Variants in TBXAS1 observed in about 807,000 individuals in gnomAD.
TBXAS1 encodes the protein thromboxane-A synthase.
In TBXAS1, 48 loss-of-function variants were observed where a neutral mutation model predicts 60.7. The observed-to-expected ratio is 0.79, with a 90% confidence interval of 0.63 to 1.01. The LOEUF (loss-of-function observed/expected upper bound fraction) is 1.01. Among genes scored for constraint, TBXAS1 ranks in the 50% least tolerant of loss-of-function variants. The pLI is 0.00. For synonymous variants in TBXAS1, 287 were observed against 269.7 expected, an observed-to-expected ratio of 1.06 and a Z score of -0.63; for missense variants, 685 against 686.3, an observed-to-expected ratio of 1.00 and a Z score of 0.02.
intron 4 of TBXAS1, among the ~76,000 whole-genome samples, chr7:139,934,667 C>T (rs1376345670): frequency 6.6e-5 from 10 of 152,254 alleles, no homozygotes; most frequent in African/African-American, 2.4e-4. Context: ...TCTCCGGAAG[C>T]CTCTCTCTTT....
At chr7:140,015,682 T>C in intron 10 of TBXAS1, 41 bp from the exon 11 acceptor site, 1 of 1,610,344 alleles carries the variant, frequency 6.2e-7, no homozygotes, top group South Asian at 1.1e-5. Context: ...CTGCTCCTCA[T>C]CTCTTCTCTG....
chr7:139,994,370 T>G (rs1486660479), intron 9 of TBXAS1, among the ~76,000 whole-genome samples: 1 of 152,330 alleles, frequency 6.6e-6, no homozygotes, highest in South Asian at 2.1e-4. Flanking sequence ...GTCCTATGAC[T>G]GGTCTCCCAA....
At chr7:139,936,083 G>C (rs892288124) in intron 4 of TBXAS1, 108 bp from the exon 5 acceptor site, 11 of 961,016 alleles carry the variant, frequency 1.1e-5, no homozygotes, top group Non-Finnish European at 1.7e-5. Context: ...CTCCTAACTT[G>C]TTGGCCACTG....
intron 9 of TBXAS1, among the ~76,000 whole-genome samples, chr7:140,003,830 T>G (rs988394787): frequency 2.6e-5 from 4 of 152,212 alleles, no homozygotes; most frequent in Non-Finnish European, 5.9e-5. Context: ...TTGCAGACAA[T>G]GGAATTCAGA....
At chr7:139,868,975 C>T (rs1233022490) in intron 1 of TBXAS1, among the ~76,000 whole-genome samples, 1 of 151,818 alleles carries the variant, frequency 6.6e-6, no homozygotes, top group African/African-American at 2.4e-5. Flanking sequence ...TTTTTTTACA[C>T]TTTGTAGAGG....
At chr7:139,782,096 G>A (rs2117220136) in intron 2 of TBXAS1, among the ~76,000 whole-genome samples, 1 of 151,956 alleles carries the variant, frequency 6.6e-6, no homozygotes, top group Non-Finnish European at 1.5e-5. Flanking sequence ...GAGGGGTCTG[G>A]GAGCTGTCCC....
Position 139,905,012 on chromosome 7 carries a change from T to G in TBXAS1, c.237-6213T>G, listed in dbSNP as rs1038129530. Among the ~76,000 whole-genome samples, 3 of 65,238 alleles carry G rather than the reference T, an allele frequency of 4.6e-5. 1 individual carries two copies. Among genetic ancestry groups the G allele is most frequent in the African/African-American group, 2.6e-4 (3 of 11,640 alleles). The allele number at this position is 65,238 out of a possible 152,430, so 42.8% of individuals were successfully genotyped here. ...CTCTCTTTCTCTCTTTCTCTCTTTC[T>G]TTCTTTCTTTCTTTCTTTCTTTCTT... On this transcript the variant is annotated intron_variant, in intron 3 of 12. Coordinates refer to ENST00000448866, the MANE Select transcript of TBXAS1 (RefSeq NM_001061.7).
intron 3 of TBXAS1, among the ~76,000 whole-genome samples, chr7:139,786,074 T>G (rs1250972889): frequency 1.3e-5 from 2 of 150,118 alleles, no homozygotes; most frequent in East Asian, 3.9e-4. Flanking sequence ...TTGTTTGTTT[T>G]TTGTTTTTTT....
chr7:139,988,303 G>C (rs1305238041), intron 9 of TBXAS1, among the ~76,000 whole-genome samples: 1 of 152,216 alleles, frequency 6.6e-6, no homozygotes, highest in Non-Finnish European at 1.5e-5. Context: ...CGTGGCTCCA[G>C]CTTAGCCCGA....
chr7:139,787,368 A>T (rs899008894), exon 4 of TBXAS1: 3 of 152,152 alleles, frequency 2.0e-5, no homozygotes, highest in Non-Finnish European at 4.4e-5. Context: ...TGCCTGGCTG[A>T]TGTGAGCTAG....
chr7:139,791,844 ATACT>A (rs748011180), intron 4 of TBXAS1, among the ~76,000 whole-genome samples: 16 of 136,990 alleles, frequency 1.2e-4, no homozygotes, highest in Non-Finnish European at 2.2e-4. Context: ...CAGTGATCTC[ATACT>A]TACTTTGGAA....
chr7:139,874,553 G>A (rs1404138807), intron 2 of TBXAS1, among the ~76,000 whole-genome samples: 1 of 152,130 alleles, frequency 6.6e-6, no homozygotes, highest in East Asian at 1.9e-4. Context: ...GCAGAATTCA[G>A]TAGATTTCAT....
intron 5 of TBXAS1, among the ~76,000 whole-genome samples, chr7:139,938,911 AC>A (rs1808035401): frequency 6.6e-6 from 1 of 152,218 alleles, no homozygotes; most frequent in Non-Finnish European, 1.5e-5. Context: ...GATTCCTTTA[AC>A]CCCTTACAGG....
At chr7:139,845,093 T>C (rs769289536) in intron 1 of TBXAS1, among the ~76,000 whole-genome samples, 5 of 152,206 alleles carry the variant, frequency 3.3e-5, no homozygotes, top group Non-Finnish European at 7.3e-5. Context: ...TCTCTCTATC[T>C]GCTTTGCTTC....
chr7:139,954,887 G>A (rs1330016711), intron 6 of TBXAS1, among the ~76,000 whole-genome samples: 1 of 152,292 alleles, frequency 6.6e-6, no homozygotes, highest in East Asian at 1.9e-4. Context: ...TTATTTGAGT[G>A]CTAAGAGCCC....
rs1207532935 is a variant in TBXAS1 at position 140,020,157 on chromosome 7, G to A, written c.*58G>A. The A allele has an allele frequency of 1.3e-6, 2 of 1,567,452 alleles. No individual in the cohort carries two copies. Among genetic ancestry groups the A allele is most frequent in the African/African-American group, 1.4e-5 (1 of 73,966 alleles). On this transcript the variant is annotated 3_prime_UTR_variant, in exon 13 of 13. Coordinates refer to ENST00000448866, the MANE Select transcript of TBXAS1 (RefSeq NM_001061.7). ...CCCAAATTCAAAGAAAACCCTAAGT[G>A]TGGATGTTCAGAATTTTGGAAAAAT...
intron 3 of TBXAS1, among the ~76,000 whole-genome samples, chr7:139,907,500 G>C (rs1805197539): frequency 6.6e-6 from 1 of 152,000 alleles, no homozygotes; most frequent in Non-Finnish European, 1.5e-5. Context: ...GGCTGGTTTT[G>C]GTATCAGAGT....
intron 4 of TBXAS1, among the ~76,000 whole-genome samples, chr7:139,820,929 A>G (rs1255249021): frequency 6.6e-6 from 1 of 152,222 alleles, no homozygotes; most frequent in African/African-American, 2.4e-5. Flanking sequence ...TCTAAATCTA[A>G]GCCCTAAGAA....
intron 6 of TBXAS1, 184 bp downstream of exon 6, chr7:139,953,640 A>G: frequency 1.6e-6 from 1 of 608,130 alleles, no homozygotes. Context: ...AAGAGATGTG[A>G]GCAGAGCCAG....
Sources: allele counts gnomAD v4.1 joint callset (sites outside exome capture counted in the v4.1 genomes callset), GRCh38; gene constraint gnomAD v4.1.1; transcripts MANE v1.5; gene names NCBI Gene and HGNC (gene_info 2026-07-23, HGNC 2026-07-21).